PCSK2: variants seen among roughly 807,000 people sequenced by gnomAD.
PCSK2 encodes neuroendocrine convertase 2.
PCSK2 carries 14 observed loss-of-function variants against 69.7 expected under a neutral mutation model. The observed-to-expected ratio is 0.20, with a 90% CI of 0.13 to 0.31. PCSK2 has a LOEUF of 0.31. Ranked by LOEUF, PCSK2 falls within the 10% of genes least tolerant of loss-of-function variation. PCSK2 has a pLI of 1.00. For synonymous variants in PCSK2, 307 were observed against 320.7 expected (o/e 0.96, Z 0.46); for missense variants, 544 against 842.5 (o/e 0.65, Z 4.39).
chr20:17,241,207 CAAGAGGTTTAAAGG>C (rs1986558992), intron 1 of PCSK2, among the ~76,000 whole-genome samples: 1 of 152,110 alleles, frequency 6.6e-6, no homozygotes, highest in Admixed American at 6.5e-5. Flanking sequence ...CTTATAATTT[CAAGAGGTTTAAAGG>C]AAGAGGTTTA....
intron 2 of PCSK2, among the ~76,000 whole-genome samples, chr20:17,320,324 G>T (rs916461927): frequency 6.6e-6 from 1 of 152,162 alleles, no homozygotes; most frequent in South Asian, 2.1e-4. Context: ...ACCTTAGGGA[G>T]ACTCGTTCCC....
intron 2 of PCSK2, among the ~76,000 whole-genome samples, chr20:17,307,652 C>A (rs983214249): frequency 5.9e-5 from 9 of 152,190 alleles, no homozygotes; most frequent in African/African-American, 2.2e-4. Flanking sequence ...CTTCCATATA[C>A]CTACCAGCAG....
At chr20:17,429,162 T>C (rs897915760) in intron 6 of PCSK2, among the ~76,000 whole-genome samples, 1 of 152,028 alleles carries the variant, frequency 6.6e-6, no homozygotes, top group Non-Finnish European at 1.5e-5. Context: ...GTGATTCAGC[T>C]TATACTTGTT....
At chr20:17,380,286 T>G (rs1419485098) in intron 5 of PCSK2, among the ~76,000 whole-genome samples, 1 of 152,256 alleles carries the variant, frequency 6.6e-6, no homozygotes, top group Non-Finnish European at 1.5e-5. Context: ...TTAATAAAAA[T>G]AGACCACTCC....
chr20:17,242,169 G>T (rs1042882786), intron 1 of PCSK2, among the ~76,000 whole-genome samples: 2 of 152,140 alleles, frequency 1.3e-5, no homozygotes, highest in African/African-American at 4.8e-5. Context: ...GGGAAGAGTG[G>T]ATCCTGGAAT....
chr20:17,326,014 T>C (rs1990040135), intron 2 of PCSK2, among the ~76,000 whole-genome samples: 1 of 152,256 alleles, frequency 6.6e-6, no homozygotes, highest in South Asian at 2.1e-4. Flanking sequence ...TCAAGTGGAA[T>C]CACAGGAGTC....
intron 5 of PCSK2, among the ~76,000 whole-genome samples, chr20:17,381,283 G>A (rs982524667): frequency 3.3e-5 from 5 of 152,314 alleles, no homozygotes; most frequent in East Asian, 3.9e-4. Flanking sequence ...TAACATCACC[G>A]GGAGTATTAT....
At chr20:17,437,074 G>A (rs1044208397) in intron 8 of PCSK2, among the ~76,000 whole-genome samples, 191 bp downstream of exon 8, 1 of 151,998 alleles carries the variant, frequency 6.6e-6, no homozygotes, top group Non-Finnish European at 1.5e-5. Context: ...AGGAGAGAGG[G>A]CAGAAAAGCC....
At chr20:17,246,421 G>A (rs771932831) in intron 1 of PCSK2, among the ~76,000 whole-genome samples, 12 of 152,122 alleles carry the variant, frequency 7.9e-5, no homozygotes, top group Admixed American at 6.5e-5. Context: ...ATGAGAACAC[G>A]ACAAGGCAGA....
chr20:17,456,239 A>G lies in PCSK2; in HGVS notation c.1102-109A>G, dbSNP rs949775939. The G allele has an allele frequency of 4.4e-6, 3 of 679,342 alleles. No individual in the cohort carries two copies. In the African/African-American group the frequency reaches 5.6e-5, roughly 13 times the overall value. The allele number at this position is 679,342 out of a possible 1,614,324, so 42.1% of individuals were successfully genotyped here. On this transcript the variant is annotated intron_variant, in intron 9 of 11. Transcript: ENST00000262545. ...CTGGGCAACAGAGTGAGGCTGTCTCAATAAATAAATGAATAAATAAAAGGA... is the reference window on the plus strand; with the variant it reads ...CTGGGCAACAGAGTGAGGCTGTCTCGATAAATAAATGAATAAATAAAAGGA...
intron 1 of PCSK2, among the ~76,000 whole-genome samples, chr20:17,251,652 T>C (rs568768197): frequency 3.3e-5 from 5 of 152,336 alleles, no homozygotes; most frequent in African/African-American, 1.2e-4. Flanking sequence ...AATAAAACTT[T>C]TTTTTCAGCT....
Position 17,453,386 on chromosome 20 carries a change from T to C in PCSK2, c.886-356T>C, listed in dbSNP as rs2032861274. ...TAATAATTACCTCTAGAGAGTTGTT[T>C]TTTATTTTCCTTTCCATACAGTTAG... On this transcript the variant is annotated intron_variant, in intron 8 of 11. Transcript: ENST00000262545. This position sits in a 1 kb window ranked among gnomAD's most constrained non-coding sequence, Gnocchi z 4.0. Among the ~76,000 whole-genome samples the C allele has an allele frequency of 6.6e-6, 1 of 152,180 alleles. No homozygotes were observed. The highest frequency in any genetic ancestry group is 1.5e-5 in the Non-Finnish European group (1 of 68,024).
At chr20:17,394,078 G>T (rs573419061) in intron 5 of PCSK2, among the ~76,000 whole-genome samples, 1 of 152,126 alleles carries the variant, frequency 6.6e-6, no homozygotes, top group African/African-American at 2.4e-5. Flanking sequence ...CAGGAGGATC[G>T]CTTGAGCCCA....
At chr20:17,357,384 T>C (rs969867747) in intron 2 of PCSK2, among the ~76,000 whole-genome samples, 1 of 152,228 alleles carries the variant, frequency 6.6e-6, no homozygotes, top group Non-Finnish European at 1.5e-5. Context: ...TCATTGTTTG[T>C]CTGTTTGTTC....
chr20:17,232,853 A>G (rs1986192332), intron 1 of PCSK2, among the ~76,000 whole-genome samples: 1 of 152,216 alleles, frequency 6.6e-6, no homozygotes, highest in Admixed American at 6.5e-5. Context: ...TCAATCTAAG[A>G]AGACTTTAAG....
chr20:17,310,993 CT>C (rs1289511548), intron 2 of PCSK2, among the ~76,000 whole-genome samples: 1 of 117,864 alleles, frequency 8.5e-6, no homozygotes, highest in African/African-American at 3.2e-5. Context: ...CAGAGCAAGA[CT>C]CCGTCTCAAA....
At chr20:17,364,874 T>C (rs1299900673) in intron 4 of PCSK2, among the ~76,000 whole-genome samples, 6 of 152,184 alleles carry the variant, frequency 3.9e-5, no homozygotes, top group African/African-American at 1.4e-4. Context: ...TGCACTCCTA[T>C]CGCTGGTGGT....
intron 11 of PCSK2, among the ~76,000 whole-genome samples, chr20:17,477,446 C>T (rs141261812): frequency 6.6e-6 from 1 of 151,874 alleles, no homozygotes; most frequent in East Asian, 1.9e-4. Flanking sequence ...TTAAATCAGG[C>T]TTAAACAACA....
rs1422771362 is a variant in PCSK2 at position 17,479,330 on chromosome 20, ATCT to A, written c.1431-2251_1431-2249del. 3.0e-5 allele frequency: 23 copies of A among 779,046 alleles called. No individual in the cohort carries two copies. The East Asian group carries it at 5.6e-4, about 19-fold the overall frequency. The allele number at this position is 779,046 out of a possible 1,614,324, so 48.3% of individuals were successfully genotyped here. On this transcript the variant is annotated intron_variant, in intron 11 of 11. Coordinates refer to ENST00000262545, the MANE Select transcript of PCSK2 (RefSeq NM_002594.5). ...ACTGGTTGATGTTGTTGTAATTATA[ATCT>A]TCACCACCTAAAACCCCGTCTGCAC...
Sources: gnomAD v4.1 joint callset for allele counts (sites outside exome capture counted in the v4.1 genomes callset) on GRCh38, gnomAD v4.1.1 for gene constraint, Gnocchi (gnomAD v3.1) non-coding constraint, MANE v1.5 for transcripts, NCBI Gene and HGNC (gene_info 2026-07-23, HGNC 2026-07-21) for gene names.